Variants in PRKN observed in about 807,000 individuals in gnomAD.
The protein encoded by PRKN is parkin RBR E3 ubiquitin protein ligase, also known as E3 ubiquitin-protein ligase parkin.
In PRKN, 56 loss-of-function variants were observed where a neutral mutation model predicts 59.5. The ratio of observed to expected loss-of-function variants is 0.94; its 90% CI spans 0.76 to 1.18. The LOEUF is 1.18. Ranked by LOEUF, PRKN falls within the 50% of genes most tolerant of loss-of-function variation. The pLI is 0.00. For missense variants in PRKN, 657 were observed against 596.4 expected (o/e 1.10, Z -1.06); for synonymous variants, 250 against 222.1 (o/e 1.13, Z -1.12).
chr6:162,683,662 A>G (rs546499912), intron 1 of PRKN, among the ~76,000 whole-genome samples: 1 of 152,142 alleles, frequency 6.6e-6, no homozygotes, highest in South Asian at 2.1e-4. Context: ...TAAAAAAACT[A>G]TAATTACTCT....
chr6:162,399,003 G>C (rs1395037999), intron 2 of PRKN, among the ~76,000 whole-genome samples: 1 of 152,092 alleles, frequency 6.6e-6, no homozygotes, highest in Non-Finnish European at 1.5e-5. Context: ...TGATTATCAG[G>C]AAGTATTATG....
Position 161,354,183 on chromosome 6 carries a change from A to G in PRKN, c.1286-3972T>C, listed in dbSNP as rs1008524727. Reference sequence around the variant, plus strand: ...CTTTTCTCCCTAGGGCTTAATATACACAAGGCCATAGAGCTAGACCCAGGC... The same window carrying G: ...CTTTTCTCCCTAGGGCTTAATATACGCAAGGCCATAGAGCTAGACCCAGGC... On this transcript the variant is annotated intron_variant, in intron 11 of 11. Coordinates refer to ENST00000366898, the MANE Select transcript of PRKN (RefSeq NM_004562.3). This position sits in a 1 kb window ranked among gnomAD's most constrained non-coding sequence, Gnocchi z 6.7. Among the ~76,000 whole-genome samples the G allele has an allele frequency of 1.3e-5, 2 of 152,198 alleles. No individual in the cohort carries two copies. The highest frequency in any genetic ancestry group is 4.8e-5 in the African/African-American group (2 of 41,456).
intron 7 of PRKN, among the ~76,000 whole-genome samples, chr6:161,703,642 T>C (rs985714415): frequency 1.3e-5 from 2 of 152,126 alleles, no homozygotes; most frequent in Admixed American, 6.6e-5. Context: ...CAGGGAAATC[T>C]CCAACCACCA....
intron 1 of PRKN, among the ~76,000 whole-genome samples, chr6:162,666,096 G>C (rs948964719): frequency 1.3e-5 from 2 of 152,094 alleles, no homozygotes; most frequent in South Asian, 4.1e-4. Context: ...AGAAAATCTA[G>C]GCAATACCAT....
intron 3 of PRKN, among the ~76,000 whole-genome samples, chr6:162,202,518 G>A (rs907788504): frequency 3.6e-4 from 55 of 152,142 alleles, no homozygotes; most frequent in African/African-American, 1.3e-3. Context: ...TTTCCAGTGG[G>A]AAATGGAAGA....
intron 7 of PRKN, among the ~76,000 whole-genome samples, chr6:161,771,836 T>C (rs1285631525): frequency 1.3e-5 from 2 of 152,224 alleles, no homozygotes; most frequent in African/African-American, 2.4e-5. Context: ...CTCAGTCTCC[T>C]GCTTTGGAAC....
intron 2 of PRKN, among the ~76,000 whole-genome samples, chr6:162,400,313 C>A (rs1473100646): frequency 6.6e-6 from 1 of 151,320 alleles, no homozygotes; most frequent in Non-Finnish European, 1.5e-5. Context: ...GTAGACAACA[C>A]CAGATTATAA....
chr6:161,657,219 A>T (rs1463113727), intron 7 of PRKN, among the ~76,000 whole-genome samples: 1 of 151,982 alleles, frequency 6.6e-6, no homozygotes, highest in Non-Finnish European at 1.5e-5. Flanking sequence ...TGACCCCCAC[A>T]TCTCAGCTTG....
At chr6:161,913,432 C>T (rs1331534093) in intron 6 of PRKN, among the ~76,000 whole-genome samples, 1 of 152,246 alleles carries the variant, frequency 6.6e-6, no homozygotes, top group African/African-American at 2.4e-5. Context: ...TATGTTCAAG[C>T]TCACTCAATC....
At chr6:161,932,126 A>G (rs889762486) in intron 6 of PRKN, among the ~76,000 whole-genome samples, 4 of 152,018 alleles carry the variant, frequency 2.6e-5, no homozygotes, top group South Asian at 2.1e-4. Context: ...ATTATAAAAA[A>G]TTCAGAAATA....
chr6:162,413,162 C>T (rs1788431892), intron 2 of PRKN, among the ~76,000 whole-genome samples: 1 of 152,210 alleles, frequency 6.6e-6, no homozygotes, highest in Non-Finnish European at 1.5e-5. Context: ...TTCAACATTT[C>T]ATGCCTATAT....
intron 1 of PRKN, chr6:162,568,879 A>G: frequency 1.4e-6 from 1 of 702,214 alleles, no homozygotes; most frequent in East Asian, 2.6e-5. Flanking sequence ...ACAGAGATGG[A>G]GAATGAATTT....
Position 161,390,335 on chromosome 6 carries a change from GATTT to G in PRKN, c.1084-3462_1084-3459del. ...ACAGCATGGCTATTGAACACTATGT[GATTT>G]ATTAACTCAAGGTAGTTCCCAGTGT... On this transcript the variant is annotated intron_variant, in intron 9 of 11. Transcript: ENST00000366898. This position sits in a 1 kb window ranked among gnomAD's most constrained non-coding sequence, Gnocchi z 7.0. Among the ~76,000 whole-genome samples the G allele has an allele frequency of 6.6e-6, 1 of 152,314 alleles. No individual in the cohort carries two copies. The highest frequency in any genetic ancestry group is 1.5e-5 in the Non-Finnish European group (1 of 68,024).
intron 9 of PRKN, among the ~76,000 whole-genome samples, chr6:161,387,858 G>C (rs1484958553): frequency 6.6e-6 from 1 of 152,144 alleles, no homozygotes; most frequent in African/African-American, 2.4e-5. Context: ...AATCTGACTG[G>C]TGTCCTTACA....
At chr6:162,176,929 C>CTTTTT (rs5881458) in intron 4 of PRKN, among the ~76,000 whole-genome samples, 33 of 145,664 alleles carry the variant, frequency 2.3e-4, no homozygotes, top group Middle Eastern at 3.3e-3. Context: ...AATGAAATTC[C>CTTTTT]TTTTTTTTTT....
intron 1 of PRKN, among the ~76,000 whole-genome samples, chr6:162,659,310 A>T (rs1778790777): frequency 2.1e-5 from 1 of 48,066 alleles, no homozygotes; most frequent in African/African-American, 9.5e-5. Flanking sequence ...GTTTCATTCC[A>T]ATTTGATTTG....
intron 7 of PRKN, among the ~76,000 whole-genome samples, chr6:161,725,497 AG>A (rs1787403408): frequency 6.6e-6 from 1 of 152,216 alleles, no homozygotes; most frequent in African/African-American, 2.4e-5. Context: ...GATTTGCTAA[AG>A]GCACAGGCAG....
At chr6:162,559,143 T>C (rs1161526361) in intron 1 of PRKN, among the ~76,000 whole-genome samples, 3 of 110,118 alleles carry the variant, frequency 2.7e-5, no homozygotes, top group African/African-American at 3.9e-5. Context: ...AGAGCAAGAT[T>C]CCGTCTCAAA....
intron 4 of PRKN, among the ~76,000 whole-genome samples, chr6:162,085,087 T>C (rs781287122): frequency 6.7e-6 from 1 of 150,370 alleles, no homozygotes; most frequent in Non-Finnish European, 1.5e-5. Context: ...TCACTCCTCA[T>C]GCAGTGAGAC....
Sources: allele counts gnomAD v4.1 joint callset (sites outside exome capture counted in the v4.1 genomes callset), GRCh38; gene constraint gnomAD v4.1.1; non-coding constraint Gnocchi (gnomAD v3.1); transcripts MANE v1.5; gene names NCBI Gene and HGNC (gene_info 2026-07-23, HGNC 2026-07-21).